MEGF8: variants seen among roughly 807,000 people sequenced by gnomAD.
MEGF8 encodes multiple EGF like domains 8.
A neutral mutation model predicts 302.9 loss-of-function variants in MEGF8; 156 were observed. The ratio of observed to expected loss-of-function variants is 0.52; its 90% confidence interval spans 0.45 to 0.59. MEGF8 has a LOEUF of 0.59. Ranked by LOEUF, MEGF8 falls within the 20% of genes least tolerant of loss-of-function variation. MEGF8 has a pLI of 0.00. For missense variants in MEGF8, 3,345 were observed against 3,964.5 expected, an observed-to-expected ratio of 0.84 and a Z score of 4.20; for synonymous variants, 1,621 against 1,660.5, an observed-to-expected ratio of 0.98 and a Z score of 0.58.
At chr19:42,348,590 G>T (rs945868076) in intron 13 of MEGF8, 118 bp downstream of exon 13, 2 of 1,000,668 alleles carry the variant, frequency 2.0e-6, no homozygotes, top group South Asian at 1.7e-5. Context: ...GAAATTAGAG[G>T]CAGGAGATGG....
In MEGF8 at chr19:42,354,116, CTGTTTTTTTTTTTT is replaced by C; in HGVS notation, c.4011+102_4011+115del. The C allele has an allele frequency of 7.5e-7, 1 of 1,335,234 alleles. No homozygotes were observed. Among genetic ancestry groups the C allele is most frequent in the South Asian group, 1.5e-5 (1 of 65,846 alleles). The allele number at this position is 1,335,234 out of a possible 1,614,324, so 82.7% of individuals were successfully genotyped here. On this transcript the variant is annotated intron_variant, in intron 22 of 41. Coordinates refer to ENST00000251268, the MANE Select transcript of MEGF8 (RefSeq NM_001271938.2). This position sits in a 1 kb window ranked among gnomAD's most constrained non-coding sequence, Gnocchi z 4.3. ...TCCTCAGACCCTGACCCTAGTATTGCTGTTTTTTTTTTTTTGTTTTTTTAATCCTTCAAAACCCA... is the reference window on the plus strand; with the variant it reads ...TCCTCAGACCCTGACCCTAGTATTGCTGTTTTTTTAATCCTTCAAAACCCA...
Position 42,356,256 on chromosome 19 carries a change from C to A in MEGF8, c.4503+63C>A. On this transcript the variant is annotated intron_variant, in intron 25 of 41. Transcript: ENST00000251268. The surrounding 1 kb of genome is among the most constrained non-coding windows in gnomAD (Gnocchi z 5.2). Reference sequence around the variant, plus strand: ...CCCAGGTCGTTCTCCCACCTCCATTCCTGGGACCACCCCTACACCCAGGCC... The same window carrying A: ...CCCAGGTCGTTCTCCCACCTCCATTACTGGGACCACCCCTACACCCAGGCC... The A allele has an allele frequency of 1.3e-6, 2 of 1,527,226 alleles. No individual in the cohort carries two copies. Among genetic ancestry groups the A allele is most frequent in the Admixed American group, 2.1e-5 (1 of 48,404 alleles). The allele number at this position is 1,527,226 out of a possible 1,614,324, so 94.6% of individuals were successfully genotyped here.
In MEGF8 at chr19:42,335,086, C is replaced by T. The variant is rs1351465017; in HGVS notation, c.610C>T (p.Leu204=). ...EPGFLGRACD[L]HLWENQGAGW... ...TGGCTTCTTGGGACGTGCCTGTGAC[C>T]TGCACCTGTGGGAGAACCAGGGGGC... Residue 204 remains leucine, a synonymous_variant, in exon 4 of 42, where the codon CTG becomes TTG. Transcript: ENST00000251268. 9 of 1,613,830 alleles carry T rather than the reference C, an allele frequency of 5.6e-6. No homozygotes were observed. The highest frequency in any genetic ancestry group is 1.6e-4 in the Middle Eastern group (1 of 6,082).
At chr19:42,360,688 G>A in intron 31 of MEGF8, 87 bp from the exon 32 acceptor site, 2 of 1,529,406 alleles carry the variant, frequency 1.3e-6, no homozygotes, top group Non-Finnish European at 1.8e-6. Context: ...CTCTTTCCCT[G>A]CATCCTTCTC....
rs772897808 is a variant in MEGF8, at chr19:42,369,049, G to A, written c.6641+47G>A. ...GGGCCAGGCAGGCTAGGGTGGGAGA[G>A]TCTGTGGGGAGCAGTAATGGATGAG... On this transcript the variant is annotated intron_variant, in intron 37 of 41. Transcript: ENST00000251268. This position sits in a 1 kb window ranked among gnomAD's most constrained non-coding sequence, Gnocchi z 5.7. The A allele has an allele frequency of 2.5e-6, 4 of 1,600,864 alleles. No homozygotes were observed. The highest frequency in any genetic ancestry group is 3.4e-6 in the Non-Finnish European group (4 of 1,176,230).
chr19:42,349,545 G>A lies in MEGF8; in HGVS notation c.2345G>A (p.Arg782Gln), dbSNP rs1436403322. The A allele has an allele frequency of 1.6e-5, 26 of 1,611,924 alleles. No homozygotes were observed. Among genetic ancestry groups the A allele is most frequent in the Admixed American group, 6.7e-5 (4 of 59,988 alleles). ...WVAHQEKETR[R>Q]LQRPGSARLF... ...GCTCATCAGGAGAAGGAGACGCGGC[G>A]GCTGCAGCGCCCTGGGTCTGCTCGC... is the stretch of plus-strand genomic sequence containing the variant. Residue 782 changes from arginine (R) to glutamine (Q), a missense_variant, in exon 14 of 42, where the codon CGG becomes CAG. Arg to Gln is a conservative substitution (Grantham distance 43). Transcript: ENST00000251268.
Position 42,344,450 on chromosome 19 carries a change from G to T in MEGF8, c.1798G>T (p.Ala600Ser). 1 of 1,590,870 alleles carries T rather than the reference G, an allele frequency of 6.3e-7. No individual in the cohort carries two copies. The highest frequency in any genetic ancestry group is 8.5e-7 in the Non-Finnish European group (1 of 1,175,514). ...CCTCTCCTCCTCGCAGTGTCCAGCC[G>T]CCAGCTGCCTGGGCCTGGGCCGCCT... ...PGTPLGACPAASCLGLGRLLG... is the reference protein window; with the variant it reads ...PGTPLGACPASSCLGLGRLLG... The change falls in exon 11 of 42, where the codon GCC (alanine) becomes TCC (serine). Residue 600 changes from alanine to serine, a missense_variant. Coordinates refer to ENST00000251268, the MANE Select transcript of MEGF8 (RefSeq NM_001271938.2). The surrounding 1 kb of genome is among the most constrained non-coding windows in gnomAD (Gnocchi z 4.5).
intron 32 of MEGF8, 138 bp from the exon 33 acceptor site, chr19:42,361,951 TG>T: frequency 7.7e-7 from 1 of 1,294,720 alleles, no homozygotes; most frequent in Non-Finnish European, 1.0e-6. Flanking sequence ...TACCAAATGG[TG>T]GTGGGGACAG....
chr19:42,355,973 A>G lies in MEGF8; in HGVS notation c.4360A>G (p.Asn1454Asp), dbSNP rs1386652923. The G allele has an allele frequency of 1.2e-6, 2 of 1,612,434 alleles. No homozygotes were observed. Among genetic ancestry groups the G allele is most frequent in the Non-Finnish European group, 1.7e-6 (2 of 1,179,464 alleles). ...CATGGCTCTGTGTCCTGAGAACTGCAATGCCCACACTGGGGCAGGAACTTG... is the reference window on the plus strand; with the variant it reads ...CATGGCTCTGTGTCCTGAGAACTGCGATGCCCACACTGGGGCAGGAACTTG... ...CRMALCPENC[N>D]AHTGAGTCNQ... Residue 1454 changes from asparagine (N) to aspartate (D), a missense_variant, in exon 24 of 42, where the codon AAT (asparagine) becomes GAT (aspartate). Transcript: ENST00000251268.
rs1418457844 is a variant in MEGF8 at position 42,370,717 on chromosome 19, C to T, written c.7022C>T (p.Thr2341Ile). The change falls in exon 40 of 42, where the codon ACA (threonine) becomes ATA (isoleucine). Residue 2341 changes from threonine to isoleucine, a missense_variant. Thr to Ile is a moderately conservative substitution (Grantham distance 89, BLOSUM62 -1). Coordinates refer to ENST00000251268, the MANE Select transcript of MEGF8 (RefSeq NM_001271938.2). The part of the protein sequence containing the change: ...LDPEEIENWV[T>I]EGPSEDEAVC... Reference sequence around the variant, plus strand: ...CTTGGCCAGATTGAAAACTGGGTGACAGAGGGTCCTAGTGAAGACGAGGCC... The same window carrying T: ...CTTGGCCAGATTGAAAACTGGGTGATAGAGGGTCCTAGTGAAGACGAGGCC... The T allele has an allele frequency of 1.9e-6, 3 of 1,593,168 alleles. No individual in the cohort carries two copies. Among genetic ancestry groups the T allele is most frequent in the South Asian group, 2.3e-5 (2 of 87,390 alleles).
chr19:42,337,993 A>G (rs895258669), intron 8 of MEGF8, among the ~76,000 whole-genome samples: 1 of 151,734 alleles, frequency 6.6e-6, no homozygotes, highest in Admixed American at 6.6e-5. Flanking sequence ...TTTAGTAGAG[A>G]CAGTGTTTCA....
intron 33 of MEGF8, 77 bp from the exon 34 acceptor site, chr19:42,362,307 G>T (rs924469257): frequency 1.2e-6 from 2 of 1,610,244 alleles, no homozygotes; most frequent in Non-Finnish European, 1.7e-6. Context: ...CCACCCCAGG[G>T]TCTCAGGAAC....
In MEGF8 at chr19:42,352,072, G is replaced by A; in HGVS notation, c.3102-136G>A. The A allele has an allele frequency of 1.7e-6, 2 of 1,201,112 alleles. No individual in the cohort carries two copies. The highest frequency in any genetic ancestry group is 1.1e-6 in the Non-Finnish European group (1 of 882,708). 74.4% of individuals were successfully genotyped at this position (1,201,112 alleles called of 1,614,324 possible). On this transcript the variant is annotated intron_variant, in intron 18 of 41. Transcript: ENST00000251268. The surrounding 1 kb of genome is among the most constrained non-coding windows in gnomAD (Gnocchi z 4.4). ...TTGTTTTTGTCTGCGACTTCTCCTG[G>A]TTTCTCTGTCTCTCTTTCCAAATTT...
Position 42,351,130 on chromosome 19 carries a change from G to C in MEGF8, c.2737-86G>C, listed in dbSNP as rs1253138993. 2 of 1,169,984 alleles carry C rather than the reference G, an allele frequency of 1.7e-6. No individual in the cohort carries two copies. Among genetic ancestry groups the C allele is most frequent in the Non-Finnish European group, 2.4e-6 (2 of 821,512 alleles). 72.5% of individuals were successfully genotyped at this position (1,169,984 alleles called of 1,614,324 possible). ...ATGGCCTTACAGGGACAGTCTGCAGGGTGGGGCAGGGGGTGGGATGGGCAC... is the reference window on the plus strand; with the variant it reads ...ATGGCCTTACAGGGACAGTCTGCAGCGTGGGGCAGGGGGTGGGATGGGCAC... On this transcript the variant is annotated intron_variant, in intron 15 of 41. Coordinates refer to ENST00000251268, the MANE Select transcript of MEGF8 (RefSeq NM_001271938.2). The surrounding 1 kb of genome is among the most constrained non-coding windows in gnomAD (Gnocchi z 5.6).
chr19:42,343,832 C>A, intron 9 of MEGF8, 122 bp from the exon 10 acceptor site: 1 of 1,422,248 alleles, frequency 7.0e-7, no homozygotes. Flanking sequence ...GATGGGCATG[C>A]TGAGCACTCA....
chr19:42,352,196 C>T lies in MEGF8; in HGVS notation c.3102-12C>T. Reference sequence around the variant, plus strand: ...ATGTTGTCCCCCGCTTCTTCACTCTCCCACCCTGCAGGTGCCTACAGGGGG... The same window carrying T: ...ATGTTGTCCCCCGCTTCTTCACTCTTCCACCCTGCAGGTGCCTACAGGGGG... On this transcript the variant is annotated splice_polypyrimidine_tract_variant and intron_variant, in intron 18 of 41. Coordinates refer to ENST00000251268, the MANE Select transcript of MEGF8 (RefSeq NM_001271938.2). This position sits in a 1 kb window ranked among gnomAD's most constrained non-coding sequence, Gnocchi z 4.4. The T allele has an allele frequency of 6.6e-7, 1 of 1,509,398 alleles. No homozygotes were observed. The highest frequency in any genetic ancestry group is 8.9e-7 in the Non-Finnish European group (1 of 1,124,476). 93.5% of individuals were successfully genotyped at this position (1,509,398 alleles called of 1,614,324 possible). A position where few individuals can be genotyped will look rare whatever the true frequency, so the allele number is the denominator to read the frequency against.
intron 41 of MEGF8, among the ~76,000 whole-genome samples, chr19:42,374,450 A>G (rs1486756195): frequency 2.0e-5 from 3 of 149,768 alleles, no homozygotes; most frequent in South Asian, 4.3e-4. Flanking sequence ...CAGCCTGGGC[A>G]ACAGAGCGAG....
rs1274122839 is a variant in MEGF8 at position 42,357,993 on chromosome 19, C to T, written c.5012-151C>T. 8.3e-6 allele frequency: 6 copies of T among 725,518 alleles called. No homozygotes were observed. Among genetic ancestry groups the T allele is most frequent in the Non-Finnish European group, 1.3e-5 (6 of 471,362 alleles). The allele number at this position is 725,518 out of a possible 1,614,324, so 44.9% of individuals were successfully genotyped here. On this transcript the variant is annotated intron_variant, in intron 28 of 41. Transcript: ENST00000251268. The surrounding 1 kb of genome is among the most constrained non-coding windows in gnomAD (Gnocchi z 5.2). ...AGTCTCTAATGATTGTCCATTTGAACCCAACTGAGAGGGACGGGTGGAGAG... is the reference window on the plus strand; with the variant it reads ...AGTCTCTAATGATTGTCCATTTGAATCCAACTGAGAGGGACGGGTGGAGAG...
rs771375239 is a variant in MEGF8, at chr19:42,335,144, C to T, written c.668C>T (p.Pro223Leu). The T allele has an allele frequency of 5.0e-6, 8 of 1,613,824 alleles. No individual in the cohort carries two copies. The South Asian group carries it at 7.7e-5, about 16-fold the overall frequency. Residue 223 changes from proline to leucine, a missense_variant, in exon 4 of 42, where the codon CCT (proline) becomes CTT (leucine). Coordinates refer to ENST00000251268, the MANE Select transcript of MEGF8 (RefSeq NM_001271938.2). ...TGGCACAACGTGAGTGCCAGGGACC[C>T]TGCCTTCTCTGCCCGTATTGGGGCA... ...GWWHNVSARD[P>L]AFSARIGAAG...
Sources: gnomAD v4.1 joint callset for allele counts (sites outside exome capture counted in the v4.1 genomes callset) on GRCh38, gnomAD v4.1.1 for gene constraint, Gnocchi (gnomAD v3.1) non-coding constraint, MANE v1.5 for transcripts, NCBI Gene and HGNC (gene_info 2026-07-23, HGNC 2026-07-21) for gene names.